The following CNTN1 variants were observed in gnomAD, a reference collection of about 807,000 sequenced individuals.
CNTN1 encodes contactin 1.
A neutral mutation model predicts 126.4 loss-of-function variants in CNTN1; 38 were observed. The observed-to-expected ratio is 0.30, with a 90% CI of 0.23 to 0.39. The LOEUF (loss-of-function observed/expected upper bound fraction) is 0.39, where lower values mean the gene tolerates loss of function less well. Among genes scored for constraint, CNTN1 ranks in the 10% least tolerant of loss-of-function variants. The probability of loss-of-function intolerance (pLI) is 1.00; values close to 1 mark genes in which losing one functional copy is unlikely to be tolerated. For synonymous variants in CNTN1, 413 were observed against 422.6 expected (o/e 0.98, Z 0.28); for missense variants, 1,009 against 1,248.4 (o/e 0.81, Z 2.89).
At chr12:40,842,054 T>C (rs1172247640) in intron 1 of CNTN1, among the ~76,000 whole-genome samples, 1 of 151,976 alleles carries the variant, frequency 6.6e-6, no homozygotes, top group East Asian at 1.9e-4. Context: ...TCAAATATAA[T>C]TTGAAAAATA....
intron 14 of CNTN1, among the ~76,000 whole-genome samples, chr12:40,946,111 C>T (rs946929533): frequency 2.0e-5 from 3 of 152,100 alleles, no homozygotes; most frequent in Non-Finnish European, 4.4e-5. Flanking sequence ...AATAATTAAA[C>T]TGAATTCTAT....
chr12:41,051,898 ACACACACACACAC>A (rs1949693926), intron 23 of CNTN1, among the ~76,000 whole-genome samples: 1 of 27,444 alleles, frequency 3.6e-5, no homozygotes, highest in Non-Finnish European at 6.2e-5. Context: ...ACACAAACAC[ACACACACACACAC>A]ACACACACAC....
At chr12:40,796,330 C>G (rs555866921) in intron 1 of CNTN1, among the ~76,000 whole-genome samples, 1 of 152,098 alleles carries the variant, frequency 6.6e-6, no homozygotes, top group African/African-American at 2.4e-5. Context: ...AATAGATTTG[C>G]TTCAGACCTT....
intron 1 of CNTN1, among the ~76,000 whole-genome samples, chr12:40,878,771 C>T (rs989018003): frequency 1.3e-5 from 2 of 151,536 alleles, no homozygotes; most frequent in Admixed American, 6.6e-5. Flanking sequence ...TTGAGTGACA[C>T]CCAACTTCTT....
At chr12:40,908,547 G>A in intron 2 of CNTN1, 54 bp downstream of exon 2, 1 of 1,262,676 alleles carries the variant, frequency 7.9e-7, no homozygotes, top group Non-Finnish European at 1.1e-6. Flanking sequence ...TAATTGATAT[G>A]CGTGTTTATT....
At chr12:40,904,124 T>C (rs2136785545) in intron 1 of CNTN1, among the ~76,000 whole-genome samples, 1 of 152,224 alleles carries the variant, frequency 6.6e-6, no homozygotes, top group South Asian at 2.1e-4. Flanking sequence ...GTTCACGCCA[T>C]TCTCCTGCCT....
chr12:40,826,879 A>C (rs1233652835), intron 1 of CNTN1, among the ~76,000 whole-genome samples: 1 of 152,146 alleles, frequency 6.6e-6, no homozygotes, highest in Admixed American at 6.6e-5. Flanking sequence ...GTGTGTGTGC[A>C]TGTATGTGAG....
At chr12:40,700,673 A>C (rs1591986461) in intron 1 of CNTN1, among the ~76,000 whole-genome samples, 1 of 152,318 alleles carries the variant, frequency 6.6e-6, no homozygotes, top group East Asian at 1.9e-4. Context: ...GAAATAGCAC[A>C]AGTGATGAAA....
chr12:40,962,947 T>A (rs2137018519), intron 15 of CNTN1, among the ~76,000 whole-genome samples: 1 of 152,244 alleles, frequency 6.6e-6, no homozygotes, highest in South Asian at 2.1e-4. Context: ...TAACATTTCT[T>A]CAAATGCTGT....
At chr12:40,989,991 C>A (rs370141201) in intron 16 of CNTN1, among the ~76,000 whole-genome samples, 2 of 151,682 alleles carry the variant, frequency 1.3e-5, no homozygotes, top group Admixed American at 1.3e-4. Context: ...GAAGTGCCAC[C>A]GAGATTTGCA....
intron 23 of CNTN1, among the ~76,000 whole-genome samples, chr12:41,047,478 C>A (rs1479462948): frequency 3.9e-5 from 6 of 152,032 alleles, no homozygotes; most frequent in African/African-American, 1.4e-4. Flanking sequence ...AAGGCTGCAC[C>A]TGGTGGAGGG....
intron 1 of CNTN1, among the ~76,000 whole-genome samples, chr12:40,702,984 A>G (rs796104170): frequency 6.6e-6 from 1 of 152,222 alleles, no homozygotes; most frequent in South Asian, 2.1e-4. Context: ...TTTTTCTAAG[A>G]TATTTCCAGA....
At chr12:40,812,675 A>G (rs1941109618) in intron 1 of CNTN1, among the ~76,000 whole-genome samples, 1 of 152,092 alleles carries the variant, frequency 6.6e-6, no homozygotes. Flanking sequence ...TTACGACAGT[A>G]TTTTACTTAA....
chr12:40,912,228 T>C (rs1186176358), intron 3 of CNTN1, among the ~76,000 whole-genome samples: 1 of 152,196 alleles, frequency 6.6e-6, no homozygotes, highest in Non-Finnish European at 1.5e-5. Flanking sequence ...TCTTAATTTT[T>C]TTTTAGATTT....
intron 14 of CNTN1, among the ~76,000 whole-genome samples, chr12:40,956,329 C>T (rs957163189): frequency 1.3e-5 from 2 of 152,054 alleles, no homozygotes; most frequent in Non-Finnish European, 2.9e-5. Context: ...AACTTATAGT[C>T]GGCCAGGGAG....
intron 23 of CNTN1, among the ~76,000 whole-genome samples, chr12:41,030,152 C>A (rs888542055): frequency 1.3e-5 from 2 of 151,352 alleles, no homozygotes; most frequent in African/African-American, 4.9e-5. Flanking sequence ...GCACATATAC[C>A]CCTGAACTTA....
intron 15 of CNTN1, among the ~76,000 whole-genome samples, chr12:40,965,128 C>T (rs969289133): frequency 1.3e-5 from 2 of 152,092 alleles, no homozygotes; most frequent in Admixed American, 1.3e-4. Flanking sequence ...GTCTTTTCTC[C>T]TTCCCACTTT....
intron 22 of CNTN1, among the ~76,000 whole-genome samples, chr12:41,028,249 C>G (rs1284889444): frequency 6.6e-6 from 1 of 152,084 alleles, no homozygotes; most frequent in Non-Finnish European, 1.5e-5. Flanking sequence ...CCAGGGTGGT[C>G]TCGAACTCCT....
chr12:40,979,794 T>G (rs1947772746), intron 15 of CNTN1, among the ~76,000 whole-genome samples: 1 of 152,072 alleles, frequency 6.6e-6, no homozygotes, highest in Non-Finnish European at 1.5e-5. Context: ...CACTTATCTT[T>G]TAATTTCTAT....
Sources: gnomAD v4.1 joint callset for allele counts (sites outside exome capture counted in the v4.1 genomes callset) on GRCh38, gnomAD v4.1.1 for gene constraint, MANE v1.5 for transcripts, NCBI Gene and HGNC (gene_info 2026-07-23, HGNC 2026-07-21) for gene names.